Variants in FAM174C observed in about 807,000 individuals in gnomAD.
FAM174C encodes the protein family with sequence similarity 174 member C.
A neutral mutation model predicts 12.3 loss-of-function variants in FAM174C; 19 were observed. The ratio of observed to expected loss-of-function variants is 1.55; its 90% CI spans 1.08 to 2.27. The LOEUF (loss-of-function observed/expected upper bound fraction) is 2.27, where lower values mean the gene tolerates loss of function less well. Ranked by LOEUF, FAM174C falls within the 30% of genes most tolerant of loss-of-function variation. The pLI is 0.00. For synonymous variants in FAM174C, 147 were observed against 103.5 expected (o/e 1.42, Z -2.55); for missense variants, 239 against 190.2 (o/e 1.26, Z -1.51).
rs2081412217 is a variant in FAM174C, at chr19:1,275,941, T to TCCCTCC, written c.281+112_281+113insCCTCCC. 1.3e-5 allele frequency: 12 copies of TCCCTCC among 933,448 alleles called. No homozygotes were observed. In the African/African-American group the frequency reaches 2.6e-4, roughly 20 times the overall value. 57.8% of individuals were successfully genotyped at this position (933,448 alleles called of 1,614,324 possible). On this transcript the variant is annotated intron_variant, in intron 1 of 2. Transcript: ENST00000409293. ...TCCCCTCCCTCCCTCCCTCCCTCCC[T>TCCCTCC]CTCTCCCTGTTGGAGTGGGCGTGGG...
rs564467817 is a variant in FAM174C at position 1,277,286 on chromosome 19, C to G, written c.385C>G (p.Arg129Gly). 3 of 1,547,652 alleles carry G rather than the reference C, an allele frequency of 1.9e-6. No individual in the cohort carries two copies. The highest frequency in any genetic ancestry group is 1.4e-5 in the African/African-American group (1 of 72,962). ...CGACGAGGAGACGGTGTTTGAGTCC[C>G]GGAATCTGAGATGGTGTGCACCCTT... ...DSDEETVFES[R>G]NLR The change falls in exon 2 of 3, where the codon CGG becomes GGG. Residue 129 changes from arginine (R) to glycine (G), a missense_variant. By Grantham distance (125) the Arg-to-Gly change is moderately radical (BLOSUM62 -2). Transcript: ENST00000409293.
At chr19:1,276,876 C>T (rs746812222) in intron 1 of FAM174C, 46 of 201,548 alleles carry the variant, frequency 2.3e-4, no homozygotes, top group Non-Finnish European at 4.0e-4. Context: ...GGCAAAGTCT[C>T]ACCCCTGTGT....
intron 1 of FAM174C, 73 bp downstream of exon 1, chr19:1,275,903 G>T: frequency 1.4e-6 from 2 of 1,382,818 alleles, no homozygotes. Flanking sequence ...TCACGTGCCG[G>T]GCCGCGGGGT....
intron 2 of FAM174C, 37 bp from the exon 3 acceptor site, chr19:1,278,740 C>T (rs1475505605): frequency 6.2e-7 from 1 of 1,610,446 alleles, no homozygotes; most frequent in Non-Finnish European, 8.5e-7. Context: ...GCGGGCCCTT[C>T]ACTCCTTCCC....
In FAM174C at chr19:1,275,589, C is replaced by T. The variant is rs1482082673; in HGVS notation, c.40C>T (p.Leu14=). 22 of 1,239,406 alleles carry T rather than the reference C, an allele frequency of 1.8e-5. No homozygotes were observed. Among genetic ancestry groups the T allele is most frequent in the Non-Finnish European group, 1.8e-5 (18 of 994,452 alleles). 76.8% of individuals were successfully genotyped at this position (1,239,406 alleles called of 1,614,324 possible). The change falls in exon 1 of 3, where the codon CTG becomes TTG. Residue 14 remains leucine (L), a synonymous_variant. Coordinates refer to ENST00000409293, the MANE Select transcript of FAM174C (RefSeq NM_017914.4). The part of the protein sequence containing the change: ...RVLQPPLLLL[L]LALLLAALPC... ...GCTGCAGCCGCCGCTGCTGCTGCTC[C>T]TGCTGGCGCTGCTGCTGGCGGCGCT...
chr19:1,275,806 T>G lies in FAM174C; in HGVS notation c.257T>G (p.Leu86Arg), dbSNP rs2081410483. 2.0e-6 allele frequency: 3 copies of G among 1,537,924 alleles called. No individual in the cohort carries two copies. The highest frequency in any genetic ancestry group is 2.6e-6 in the Non-Finnish European group (3 of 1,146,252). The change falls in exon 1 of 3, where the codon CTC (leucine) becomes CGC (arginine). Residue 86 changes from leucine (L) to arginine (R), a missense_variant. Transcript: ENST00000409293. Reference sequence around the variant, plus strand: ...CTGGGCTTCTGCGGCCTGACCGCGCTCTACTTCCTGATCCGGGCGTTTAGG... The same window carrying G: ...CTGGGCTTCTGCGGCCTGACCGCGCGCTACTTCCTGATCCGGGCGTTTAGG... ...VILGFCGLTA[L>R]YFLIRAFRLK...
rs2081409714 is a variant in FAM174C at position 1,275,744 on chromosome 19, G to A, written c.195G>A (p.Ala65=). The A allele has an allele frequency of 6.5e-7, 1 of 1,534,726 alleles. No individual in the cohort carries two copies. The change falls in exon 1 of 3, where the codon GCG becomes GCA. Residue 65 remains alanine (A), a synonymous_variant. Coordinates refer to ENST00000409293, the MANE Select transcript of FAM174C (RefSeq NM_017914.4). ...GCACGCACACGCGTCCGCCGGGGGC[G>A]TCGGGCTCGGCGCTGACGCGCTCCT... ...HNSTHTRPPG[A]SGSALTRSFY... is the part of the protein sequence containing the mutation.
intron 2 of FAM174C, 65 bp from the exon 3 acceptor site, chr19:1,278,712 G>C: frequency 6.3e-7 from 1 of 1,599,582 alleles, no homozygotes; most frequent in South Asian, 1.1e-5. Context: ...TGACCTGGGT[G>C]AGCCTCTGCC....
chr19:1,278,322 C>T (rs2081424555), intron 2 of FAM174C, among the ~76,000 whole-genome samples: 1 of 135,216 alleles, frequency 7.4e-6, no homozygotes, highest in African/African-American at 2.8e-5. Flanking sequence ...TGGGGTAGGC[C>T]TGGGCATCGA....
rs760710711 is a variant in FAM174C, at chr19:1,279,008, C to T, written c.*231C>T. The T allele has an allele frequency of 5.0e-6, 8 of 1,611,722 alleles. No homozygotes were observed. The highest frequency in any genetic ancestry group is 1.7e-5 in the Admixed American group (1 of 60,006). On this transcript the variant is annotated 3_prime_UTR_variant, in exon 3 of 3. Transcript: ENST00000409293. ...GCAGCCTCGCCTCCTGGATGCTGTCCCAGCCTGGCCGAGGGTCCCAGGTGA... is the reference window on the plus strand; with the variant it reads ...GCAGCCTCGCCTCCTGGATGCTGTCTCAGCCTGGCCGAGGGTCCCAGGTGA...
At chr19:1,276,712 C>T (rs1320361955) in intron 1 of FAM174C, 1 of 153,784 alleles carries the variant, frequency 6.5e-6, no homozygotes, top group Non-Finnish European at 1.4e-5. Flanking sequence ...TTTTATGGGC[C>T]CTGTGCAGAG....
intron 2 of FAM174C, among the ~76,000 whole-genome samples, chr19:1,278,216 G>A (rs1278015944): frequency 6.6e-6 from 1 of 152,376 alleles, no homozygotes; most frequent in African/African-American, 2.4e-5. Flanking sequence ...GTCAGGGAGG[G>A]CCTCTCCCTG....
Position 1,278,850 on chromosome 19 carries a change from A to C in FAM174C, c.*73A>C, listed in dbSNP as rs1364208843. ...GGAGATGGGGCCCACCCCAGTGCCC[A>C]GCAACCCCCTGCTCCACCGCTCATT... On this transcript the variant is annotated 3_prime_UTR_variant, in exon 3 of 3. Transcript: ENST00000409293. 1 of 1,612,944 alleles carries C rather than the reference A, an allele frequency of 6.2e-7. No homozygotes were observed.
chr19:1,275,851 C>G, intron 1 of FAM174C, 21 bp downstream of exon 1: 2 of 1,533,048 alleles, frequency 1.3e-6, no homozygotes, highest in Non-Finnish European at 1.7e-6. Context: ...CGCACGTGGG[C>G]GCCGTCTCTC....
chr19:1,276,987 T>G, intron 1 of FAM174C, 196 bp from the exon 2 acceptor site: 2 of 848,872 alleles, frequency 2.4e-6, no homozygotes, highest in Non-Finnish European at 3.4e-6. Context: ...GGCACATGTC[T>G]TCTTACTGTC....
At chr19:1,276,217 G>A (rs2081414210) in intron 1 of FAM174C, 1 of 233,496 alleles carries the variant, frequency 4.3e-6, no homozygotes, top group South Asian at 6.5e-5. Context: ...CTTCCCGCCT[G>A]CCGCCAGGCC....
rs993159420 is a variant in FAM174C at position 1,277,275 on chromosome 19, T to C, written c.374T>C (p.Val125Ala). The part of the protein sequence containing the change: ...MASLDSDEET[V>A]FESRNLR ...TCGCTGGACAGCGACGAGGAGACGG[T>C]GTTTGAGTCCCGGAATCTGAGATGG... The change falls in exon 2 of 3, where the codon GTG (valine) becomes GCG (alanine). Residue 125 changes from valine (V) to alanine (A), a missense_variant. Val to Ala is a moderately conservative substitution (Grantham distance 64). Transcript: ENST00000409293. 4 of 1,548,660 alleles carry C rather than the reference T, an allele frequency of 2.6e-6. No homozygotes were observed. In the Admixed American group the frequency reaches 7.9e-5, roughly 30 times the overall value.
In FAM174C at chr19:1,275,535, C is replaced by T. The variant is rs2081407159; in HGVS notation, c.-15C>T. On this transcript the variant is annotated 5_prime_UTR_variant, in exon 1 of 3. Transcript: ENST00000409293. The stretch of plus-strand genomic sequence containing the variant: ...GCGCATAGGGGCGGGGCGCCGCCAC[C>T]GCTTCCGCCGGGCCATGGGGCCGCG... 2.5e-6 allele frequency: 3 copies of T among 1,205,064 alleles called. No individual in the cohort carries two copies. Among genetic ancestry groups the T allele is most frequent in the Non-Finnish European group, 3.1e-6 (3 of 971,186 alleles). The allele number at this position is 1,205,064 out of a possible 1,614,324, so 74.6% of individuals were successfully genotyped here.
At chr19:1,278,410 C>T (rs895885118) in intron 2 of FAM174C, among the ~76,000 whole-genome samples, 2 of 151,884 alleles carry the variant, frequency 1.3e-5, no homozygotes, top group African/African-American at 2.4e-5. Flanking sequence ...GCTGGGGGGA[C>T]CTTGGCCTGT....
Sources: gnomAD v4.1 joint callset for allele counts (sites outside exome capture counted in the v4.1 genomes callset) on GRCh38, gnomAD v4.1.1 for gene constraint, MANE v1.5 for transcripts, NCBI Gene and HGNC (gene_info 2026-07-23, HGNC 2026-07-21) for gene names.